The following TMEM132B variants were observed in gnomAD, a reference collection of about 807,000 sequenced individuals.
TMEM132B encodes transmembrane protein 132B.
In TMEM132B, 18 loss-of-function variants were observed where a neutral mutation model predicts 90.8. The ratio of observed to expected loss-of-function variants is 0.20; its 90% CI spans 0.14 to 0.29. The LOEUF is 0.29. TMEM132B is among the 10% of genes least tolerant of loss of function. The pLI is 1.00. For synonymous variants in TMEM132B, 504 were observed against 523.3 expected (o/e 0.96, Z 0.50); for missense variants, 1,096 against 1,326.8 (o/e 0.83, Z 2.70).
At chr12:125,503,456 G>A (rs1882749248) in intron 3 of TMEM132B, among the ~76,000 whole-genome samples, 1 of 152,198 alleles carries the variant, frequency 6.6e-6, no homozygotes, top group Non-Finnish European at 1.5e-5. Flanking sequence ...CTGACATGGT[G>A]CTGACTCACC....
At chr12:125,516,087 T>A (rs1566060270) in intron 3 of TMEM132B, among the ~76,000 whole-genome samples, 1 of 151,084 alleles carries the variant, frequency 6.6e-6, no homozygotes, top group East Asian at 2.0e-4. Context: ...TCACGCTATC[T>A]CACACACACT....
chr12:125,258,616 CTG>C (rs2136108186), intron 1 of TMEM132B, among the ~76,000 whole-genome samples: 1 of 152,222 alleles, frequency 6.6e-6, no homozygotes. Flanking sequence ...GTATGGCACC[CTG>C]CTGGTCAAAG....
At chr12:125,247,508 C>T (rs985080968) in intron 1 of TMEM132B, among the ~76,000 whole-genome samples, 1 of 152,182 alleles carries the variant, frequency 6.6e-6, no homozygotes, top group African/African-American at 2.4e-5. Flanking sequence ...ATTCTTCAGG[C>T]TTGATGTCCA....
At chr12:125,563,607 A>AAAG (rs374367688) in intron 4 of TMEM132B, among the ~76,000 whole-genome samples, 2 of 149,696 alleles carry the variant, frequency 1.3e-5, no homozygotes, top group African/African-American at 4.9e-5. Context: ...ACAAAAAAAA[A>AAAG]CCCCACAGTA....
intron 5 of TMEM132B, among the ~76,000 whole-genome samples, chr12:125,633,915 G>A (rs1886422143): frequency 6.6e-6 from 1 of 152,166 alleles, no homozygotes; most frequent in Non-Finnish European, 1.5e-5. Context: ...AAGGCTTGCT[G>A]TAACCATTCC....
intron 5 of TMEM132B, among the ~76,000 whole-genome samples, chr12:125,594,851 A>G (rs1287706581): frequency 6.6e-6 from 1 of 152,200 alleles, no homozygotes; most frequent in Non-Finnish European, 1.5e-5. Context: ...TTCATACTCT[A>G]ATAGGGTCTT....
intron 5 of TMEM132B, among the ~76,000 whole-genome samples, chr12:125,624,499 C>G (rs940691876): frequency 6.6e-6 from 1 of 152,142 alleles, no homozygotes; most frequent in Non-Finnish European, 1.5e-5. Flanking sequence ...GAAGTGTTAA[C>G]AGGGTAGGTC....
chr12:125,483,004 C>T (rs902739509), intron 3 of TMEM132B, among the ~76,000 whole-genome samples: 5 of 148,292 alleles, frequency 3.4e-5, no homozygotes, highest in Admixed American at 1.4e-4. Context: ...GACAGAAAAC[C>T]AAACACCGCA....
intron 1 of TMEM132B, among the ~76,000 whole-genome samples, chr12:125,231,237 GTA>G (rs367938574): frequency 1.3e-5 from 2 of 148,604 alleles, no homozygotes; most frequent in African/African-American, 5.1e-5. Flanking sequence ...GTGTGTGTGT[GTA>G]TATCTGTGTC....
chr12:125,650,928 G>T lies in TMEM132B; in HGVS notation c.1889G>T (p.Arg630Leu). 1.2e-6 allele frequency: 2 copies of T among 1,612,680 alleles called. No individual in the cohort carries two copies. Among genetic ancestry groups the T allele is most frequent in the South Asian group, 1.1e-5 (1 of 90,996 alleles). Residue 630 changes from arginine (R) to leucine (L), a missense_variant, in exon 7 of 9, where the codon CGG becomes CTG. Coordinates refer to ENST00000682704, the MANE Select transcript of TMEM132B (RefSeq NM_001366854.1). ...QLQDGRTLAGREPGITTVQVL... is the reference protein window; with the variant it reads ...QLQDGRTLAGLEPGITTVQVL... ...CAGGACGGCAGGACCCTGGCTGGTCGGGAGCCGGGAATAACCACGGTGCAG... is the reference window on the plus strand; with the variant it reads ...CAGGACGGCAGGACCCTGGCTGGTCTGGAGCCGGGAATAACCACGGTGCAG...
intron 3 of TMEM132B, among the ~76,000 whole-genome samples, chr12:125,483,373 C>G (rs1882109866): frequency 6.6e-6 from 1 of 151,766 alleles, no homozygotes; most frequent in Non-Finnish European, 1.5e-5. Context: ...TACAGTCAGC[C>G]CATCATATCT....
intron 4 of TMEM132B, among the ~76,000 whole-genome samples, chr12:125,542,067 C>A (rs1883974013): frequency 6.8e-6 from 1 of 147,970 alleles, no homozygotes; most frequent in Middle Eastern, 3.5e-3. Flanking sequence ...TGAACACCTG[C>A]TTCCTCAAAG....
chr12:125,496,964 A>G (rs1882577932), intron 3 of TMEM132B, among the ~76,000 whole-genome samples: 1 of 152,176 alleles, frequency 6.6e-6, no homozygotes, highest in Admixed American at 6.5e-5. Context: ...ACATTTTTAA[A>G]CCATGCATTT....
chr12:125,350,843 G>T (rs1476941535), intron 2 of TMEM132B, among the ~76,000 whole-genome samples: 1 of 152,224 alleles, frequency 6.6e-6, no homozygotes, highest in African/African-American at 2.4e-5. Context: ...CTGTAGGAAA[G>T]GGAGGTCAGG....
chr12:125,572,497 C>G (rs1444090266), intron 4 of TMEM132B, among the ~76,000 whole-genome samples: 1 of 152,190 alleles, frequency 6.6e-6, no homozygotes, highest in Non-Finnish European at 1.5e-5. Context: ...TTAGACTTCC[C>G]AGCTTCTATC....
chr12:125,389,472 C>T (rs1463099316), intron 2 of TMEM132B, among the ~76,000 whole-genome samples: 1 of 152,038 alleles, frequency 6.6e-6, no homozygotes, highest in Non-Finnish European at 1.5e-5. Flanking sequence ...GCCCTAGAGC[C>T]ACCACACTTC....
At chr12:125,513,677 G>A (rs534138629) in intron 3 of TMEM132B, among the ~76,000 whole-genome samples, 4 of 152,244 alleles carry the variant, frequency 2.6e-5, no homozygotes, top group African/African-American at 7.2e-5. Flanking sequence ...GATCTGCTTG[G>A]TTTCTACTCG....
intron 3 of TMEM132B, among the ~76,000 whole-genome samples, chr12:125,508,448 C>T (rs1173579806): frequency 1.3e-5 from 2 of 152,218 alleles, no homozygotes; most frequent in Non-Finnish European, 2.9e-5. Flanking sequence ...AAAAAATTGG[C>T]ACTGATTGCA....
At chr12:125,326,754 T>C in intron 1 of TMEM132B, 1 of 1,415,490 alleles carries the variant, frequency 7.1e-7, no homozygotes, top group Non-Finnish European at 9.6e-7. Context: ...CTATGTCCTA[T>C]TCAGATTCTC....
Sources: allele counts gnomAD v4.1 joint callset (sites outside exome capture counted in the v4.1 genomes callset), GRCh38; gene constraint gnomAD v4.1.1; transcripts MANE v1.5; gene names NCBI Gene and HGNC (gene_info 2026-07-23, HGNC 2026-07-21).